Variants in CAMKMT observed in about 807,000 individuals in gnomAD.
CAMKMT encodes the protein CaM KMT.
CAMKMT carries 53 observed loss-of-function variants against 48.0 expected under a neutral mutation model. The observed-to-expected ratio is 1.10, with a 90% CI of 0.89 to 1.39. The LOEUF is 1.39. Among genes scored for constraint, CAMKMT ranks in the 40% most tolerant of loss-of-function variants. CAMKMT has a pLI of 0.00. For missense variants in CAMKMT, 428 were observed against 402.7 expected, an observed-to-expected ratio of 1.06 and a Z score of -0.54; for synonymous variants, 165 against 152.3, an observed-to-expected ratio of 1.08 and a Z score of -0.61.
intron 3 of CAMKMT, among the ~76,000 whole-genome samples, chr2:44,681,809 A>G (rs1298192513): frequency 1.3e-5 from 2 of 152,190 alleles, no homozygotes; most frequent in Non-Finnish European, 2.9e-5. Context: ...GAACAGGGTT[A>G]TGTTTCCTTC....
intron 3 of CAMKMT, among the ~76,000 whole-genome samples, chr2:44,541,919 A>G (rs916851544): frequency 6.6e-6 from 1 of 152,176 alleles, no homozygotes; most frequent in Non-Finnish European, 1.5e-5. Context: ...ACCTGCAGTC[A>G]GGAGTTTGAG....
intron 1 of CAMKMT, among the ~76,000 whole-genome samples, chr2:44,364,480 C>G (rs558874968): frequency 1.3e-5 from 2 of 152,206 alleles, no homozygotes; most frequent in Admixed American, 6.5e-5. Flanking sequence ...CTTTTTCTTA[C>G]TAGAATGGGC....
chr2:44,397,058 CAA>C (rs59188592), intron 3 of CAMKMT, among the ~76,000 whole-genome samples: 80,861 of 119,954 alleles, frequency 0.67, 25,637 homozygotes, highest in African/African-American at 0.77. Context: ...GACTCCATCT[CAA>C]AAAAAAAAAA....
At chr2:44,676,104 G>A (rs1675675062) in intron 3 of CAMKMT, among the ~76,000 whole-genome samples, 1 of 152,180 alleles carries the variant, frequency 6.6e-6, no homozygotes, top group African/African-American at 2.4e-5. Context: ...TGGTGAAACT[G>A]TGGCTCAGAC....
chr2:44,440,537 T>G (rs1357732423), intron 3 of CAMKMT, among the ~76,000 whole-genome samples: 1 of 152,144 alleles, frequency 6.6e-6, no homozygotes, highest in Non-Finnish European at 1.5e-5. Flanking sequence ...AGCCACTAAC[T>G]CTATGGCTTT....
rs1257638292 is a variant in CAMKMT at position 44,772,263 on chromosome 2, G to A, written c.*150G>A. ...ATGGACTCCACCTGTCCTCACCCAC[G>A]TTATTCCCCAGCTGCCCTCTCCAGC... On this transcript the variant is annotated 3_prime_UTR_variant, in exon 11 of 11. Transcript: ENST00000378494. 5 of 606,746 alleles carry A rather than the reference G, an allele frequency of 8.2e-6. No homozygotes were observed. The highest frequency in any genetic ancestry group is 3.7e-5 in the African/African-American group (2 of 53,888). The allele number at this position is 606,746 out of a possible 1,614,324, so 37.6% of individuals were successfully genotyped here. A position where few individuals can be genotyped will look rare whatever the true frequency, so the allele number is the denominator to read the frequency against.
intron 3 of CAMKMT, among the ~76,000 whole-genome samples, chr2:44,514,606 A>G (rs902883324): frequency 2.0e-5 from 3 of 152,202 alleles, no homozygotes; most frequent in Admixed American, 6.5e-5. Context: ...AGAAAGGCCA[A>G]GGAAGAACTA....
intron 7 of CAMKMT, among the ~76,000 whole-genome samples, chr2:44,737,314 G>T (rs1166302120): frequency 6.6e-6 from 1 of 152,012 alleles, no homozygotes; most frequent in Non-Finnish European, 1.5e-5. Context: ...ATGGGATCTT[G>T]CCATGTTGCC....
At chr2:44,507,157 GA>G (rs1476835297) in intron 3 of CAMKMT, among the ~76,000 whole-genome samples, 9 of 151,958 alleles carry the variant, frequency 5.9e-5, no homozygotes, top group Admixed American at 3.3e-4. Context: ...AGTTATTAAT[GA>G]GCTTAACTTT....
intron 3 of CAMKMT, among the ~76,000 whole-genome samples, chr2:44,547,577 A>G (rs1285580331): frequency 6.6e-6 from 1 of 152,164 alleles, no homozygotes; most frequent in Non-Finnish European, 1.5e-5. Flanking sequence ...CCTAAACTTA[A>G]AAGGCAGTGA....
At chr2:44,768,361 A>ATAT (rs35058824) in intron 10 of CAMKMT, among the ~76,000 whole-genome samples, 5,116 of 115,630 alleles carry the variant, frequency 0.044, 139 homozygotes, top group Middle Eastern at 0.083. Flanking sequence ...ATATATATAT[A>ATAT]TTTTTTTTTT....
At chr2:44,399,449 A>G (rs190741335) in intron 3 of CAMKMT, among the ~76,000 whole-genome samples, 82 of 152,236 alleles carry the variant, frequency 5.4e-4, no homozygotes, top group African/African-American at 1.9e-3. Context: ...TTTCTTTAAA[A>G]GAGAAATTAA....
At chr2:44,752,942 C>G (rs1423542376) in intron 8 of CAMKMT, among the ~76,000 whole-genome samples, 1 of 152,102 alleles carries the variant, frequency 6.6e-6, no homozygotes, top group Non-Finnish European at 1.5e-5. Flanking sequence ...GCCAAGCAAC[C>G]CAAACTCAAA....
chr2:44,618,960 A>C lies in CAMKMT; in HGVS notation c.377-85323A>C, dbSNP rs1490901380. Among the ~76,000 whole-genome samples the C allele has an allele frequency of 6.6e-6, 1 of 152,072 alleles. No individual in the cohort carries two copies. The highest frequency in any genetic ancestry group is 6.6e-5 in the Admixed American group (1 of 15,260). On this transcript the variant is annotated intron_variant, in intron 3 of 10. Coordinates refer to ENST00000378494, the MANE Select transcript of CAMKMT (RefSeq NM_024766.5). This position sits in a 1 kb window ranked among gnomAD's most constrained non-coding sequence, Gnocchi z 4.0. ...CATGCATTTCTCCCAGACTACTGTAAATTCAGATCTACTCATAAATAGTTT... is the reference window on the plus strand; with the variant it reads ...CATGCATTTCTCCCAGACTACTGTACATTCAGATCTACTCATAAATAGTTT...
chr2:44,531,838 A>T (rs905017308), intron 3 of CAMKMT, among the ~76,000 whole-genome samples: 7 of 152,196 alleles, frequency 4.6e-5, no homozygotes, highest in African/African-American at 1.2e-4. Flanking sequence ...AAATACATTT[A>T]AAAAGAACAT....
chr2:44,745,975 C>T (rs1679900362), intron 8 of CAMKMT, among the ~76,000 whole-genome samples: 1 of 152,112 alleles, frequency 6.6e-6, no homozygotes, highest in Non-Finnish European at 1.5e-5. Flanking sequence ...GGCAGGCAAA[C>T]CGTGCTACAT....
intron 3 of CAMKMT, among the ~76,000 whole-genome samples, chr2:44,424,468 A>G (rs1182704287): frequency 6.6e-6 from 1 of 152,186 alleles, no homozygotes; most frequent in Non-Finnish European, 1.5e-5. Context: ...GGGGGCTAGC[A>G]GAACAGAACA....
At chr2:44,445,712 C>T (rs1171805201) in intron 3 of CAMKMT, among the ~76,000 whole-genome samples, 25 of 112,644 alleles carry the variant, frequency 2.2e-4, no homozygotes, top group Admixed American at 4.5e-4. Context: ...GGCTTTTGGT[C>T]TTCCTCTCCC....
chr2:44,438,005 G>A (rs569502961), intron 3 of CAMKMT, among the ~76,000 whole-genome samples: 1 of 151,930 alleles, frequency 6.6e-6, no homozygotes, highest in South Asian at 2.1e-4. Context: ...AATACAGACA[G>A]CTTCTTATTC....
Sources: gnomAD v4.1 joint callset for allele counts (sites outside exome capture counted in the v4.1 genomes callset) on GRCh38, gnomAD v4.1.1 for gene constraint, Gnocchi (gnomAD v3.1) non-coding constraint, MANE v1.5 for transcripts, NCBI Gene and HGNC (gene_info 2026-07-23, HGNC 2026-07-21) for gene names.